Variants in GRB10 observed in about 807,000 individuals in gnomAD.
GRB10 encodes the protein growth factor receptor-bound protein 10.
Under a neutral mutation model 80.9 loss-of-function variants are expected in GRB10, and 20 were observed. The ratio of observed to expected loss-of-function variants is 0.25; its 90% CI spans 0.17 to 0.36. GRB10 has a LOEUF of 0.36. GRB10 is among the 10% of genes least tolerant of loss of function. The probability of loss-of-function intolerance (pLI) is 1.00; values close to 1 mark genes in which losing one functional copy is unlikely to be tolerated. For synonymous variants in GRB10, 291 were observed against 291.5 expected, an observed-to-expected ratio of 1.00 and a Z score of 0.02; for missense variants, 548 against 747.7, an observed-to-expected ratio of 0.73 and a Z score of 3.12.
rs546611552 is a variant in GRB10, at chr7:50,690,768, A to T, written c.139+13053T>A. On this transcript the variant is annotated intron_variant, in intron 5 of 18. Transcript: ENST00000401949. Reference sequence around the variant, plus strand: ...GGGAACAGAAAGAGTTGCTGGGATAAAGCCCTCTATTGAGCTGCAAGCATC... The same window carrying T: ...GGGAACAGAAAGAGTTGCTGGGATATAGCCCTCTATTGAGCTGCAAGCATC... 5.9e-5 allele frequency among the ~76,000 whole-genome samples: 9 copies of T among 152,374 alleles called. No homozygotes were observed. In the East Asian group the frequency reaches 1.7e-3, roughly 29 times the overall value.
In GRB10 at chr7:50,782,317, G is replaced by A. The variant is rs1395594714; in HGVS notation, c.-327+107C>T. The A allele has an allele frequency of 1.3e-5, 2 of 150,008 alleles. No homozygotes were observed. The highest frequency in any genetic ancestry group is 3.0e-5 in the Non-Finnish European group (2 of 67,280). 9.3% of individuals were successfully genotyped at this position (150,008 alleles called of 1,614,324 possible). ...CTCCCTCCCGGGCCCTGTCCGCCGC[G>A]GCCGGGGCCTCTGCAGCCTGCGCAG... is the stretch of plus-strand genomic sequence containing the variant. On this transcript the variant is annotated intron_variant, in intron 1 of 18. Transcript: ENST00000401949. The surrounding 1 kb of genome is among the most constrained non-coding windows in gnomAD (Gnocchi z 6.6).
At chr7:50,644,961 G>A (rs761209017) in intron 7 of GRB10, among the ~76,000 whole-genome samples, 6 of 152,170 alleles carry the variant, frequency 3.9e-5, no homozygotes, top group Non-Finnish European at 7.4e-5. Context: ...GGCACAGGAT[G>A]GCTAAAACAC....
At chr7:50,702,253 T>G (rs1036350604) in intron 5 of GRB10, among the ~76,000 whole-genome samples, 1 of 152,198 alleles carries the variant, frequency 6.6e-6, no homozygotes, top group Non-Finnish European at 1.5e-5. Flanking sequence ...CAGCATCTTT[T>G]GAAAAGAGGG....
chr7:50,753,130 C>A (rs1181508695), intron 3 of GRB10, among the ~76,000 whole-genome samples: 1 of 152,214 alleles, frequency 6.6e-6, no homozygotes, highest in East Asian at 1.9e-4. Flanking sequence ...ACTATAGGGT[C>A]TGGGATTCCC....
At chr7:50,689,397 C>T (rs541047802) in intron 5 of GRB10, among the ~76,000 whole-genome samples, 16 of 152,230 alleles carry the variant, frequency 1.1e-4, no homozygotes, top group Admixed American at 2.6e-4. Flanking sequence ...ATTGCCCCCT[C>T]ACTCTTTGAA....
chr7:50,728,677 A>C (rs2069088439), intron 4 of GRB10, among the ~76,000 whole-genome samples: 1 of 152,138 alleles, frequency 6.6e-6, no homozygotes, highest in Non-Finnish European at 1.5e-5. Context: ...TAAAACTTTA[A>C]TTTTATTTTT....
At chr7:50,617,901 T>C in intron 10 of GRB10, 170 bp downstream of exon 10, 1 of 670,020 alleles carries the variant, frequency 1.5e-6, no homozygotes, top group East Asian at 2.7e-5. Flanking sequence ...AAACTTTTAA[T>C]TTCTGGTTAC....
At chr7:50,659,408 A>C (rs181797320) in intron 7 of GRB10, among the ~76,000 whole-genome samples, 185 of 152,296 alleles carry the variant, frequency 1.2e-3, no homozygotes, top group African/African-American at 3.8e-3. Flanking sequence ...CGGAGAGCTG[A>C]GGGAGCCTAG....
chr7:50,689,996 GA>G (rs781688968), intron 5 of GRB10, among the ~76,000 whole-genome samples: 6,373 of 136,770 alleles, frequency 0.047, 437 homozygotes, highest in African/African-American at 0.16. Context: ...GGTTAAAAAG[GA>G]AAAAAAAAAA....
At chr7:50,740,735 C>T (rs2071572862) in intron 3 of GRB10, among the ~76,000 whole-genome samples, 2 of 151,460 alleles carry the variant, frequency 1.3e-5, no homozygotes, top group African/African-American at 4.8e-5. Flanking sequence ...TCATTCGAAA[C>T]CCAAACAATT....
intron 4 of GRB10, among the ~76,000 whole-genome samples, chr7:50,724,803 G>A (rs1453315266): frequency 1.3e-5 from 2 of 152,198 alleles, no homozygotes; most frequent in Non-Finnish European, 2.9e-5. Context: ...GGCCAGAAGG[G>A]AGCACAGTCA....
At position 50,590,077 on chromosome 7, in the gene GRB10, C is replaced by T. The variant is rs2045684851; in HGVS notation, c.*2875G>A. On this transcript the variant is annotated 3_prime_UTR_variant, in exon 19 of 19. Transcript: ENST00000401949. ...CACCAGCAATAGAAAATGAAGAACA[C>T]TGTATTAATGTTTATTTCTAATTAC... 1 of 152,190 alleles carries T rather than the reference C, an allele frequency of 6.6e-6. No individual in the cohort carries two copies. The highest frequency in any genetic ancestry group is 2.4e-5 in the African/African-American group (1 of 41,442). 9.4% of individuals were successfully genotyped at this position (152,190 alleles called of 1,614,324 possible).
At chr7:50,792,777 C>G (rs1262300772) in intron 1 of GRB10, 2 of 206,282 alleles carry the variant, frequency 9.7e-6, no homozygotes, top group Non-Finnish European at 1.9e-5. Flanking sequence ...GCACCCGGGG[C>G]TGCAGGGACG....
rs1005166355 is a variant in GRB10, at chr7:50,590,169, C to A, written c.*2783G>T. On this transcript the variant is annotated 3_prime_UTR_variant, in exon 19 of 19. Transcript: ENST00000401949. ...GAAAGTTTACAATTAGGTTCACGAG[C>A]CAAAGAGCTATGTACAGAATGAAGC... The A allele has an allele frequency of 6.6e-6, 1 of 152,164 alleles. No individual in the cohort carries two copies. Among genetic ancestry groups the A allele is most frequent in the Non-Finnish European group, 1.5e-5 (1 of 68,036 alleles). The allele number at this position is 152,164 out of a possible 1,614,324, so 9.4% of individuals were successfully genotyped here.
upstream of GRB10, among the ~76,000 whole-genome samples, chr7:50,784,663 C>T (rs1020536142): frequency 9.9e-5 from 15 of 152,226 alleles, no homozygotes; most frequent in Non-Finnish European, 1.8e-4. Context: ...GCCAGACCTT[C>T]ACTGAATGGC....
intron 8 of GRB10, among the ~76,000 whole-genome samples, chr7:50,623,522 A>G (rs1201827606): frequency 1.3e-5 from 2 of 152,146 alleles, no homozygotes; most frequent in Non-Finnish European, 2.9e-5. Flanking sequence ...GAGAGGGGCT[A>G]CTCTGCCGAG....
chr7:50,699,669 T>C (rs887649838), intron 5 of GRB10, among the ~76,000 whole-genome samples: 1 of 152,238 alleles, frequency 6.6e-6, no homozygotes, highest in Non-Finnish European at 1.5e-5. Flanking sequence ...GGTTCATTAG[T>C]GTTTTACTTA....
At chr7:50,706,151 T>C (rs1433372539) in intron 4 of GRB10, among the ~76,000 whole-genome samples, 14 of 152,234 alleles carry the variant, frequency 9.2e-5, no homozygotes, top group Non-Finnish European at 1.5e-5. Context: ...AGTGGGATAA[T>C]AGCATTCCCG....
intron 8 of GRB10, among the ~76,000 whole-genome samples, chr7:50,626,330 G>A (rs7385456): frequency 0.27 from 40,775 of 152,180 alleles, 5,550 homozygotes; most frequent in East Asian, 0.36. Context: ...ACAGCAAAGT[G>A]CTTCATAATT....
Sources: allele counts gnomAD v4.1 joint callset (sites outside exome capture counted in the v4.1 genomes callset), GRCh38; gene constraint gnomAD v4.1.1; non-coding constraint Gnocchi (gnomAD v3.1); transcripts MANE v1.5; gene names NCBI Gene and HGNC (gene_info 2026-07-23, HGNC 2026-07-21).